Variants in DYNC1I1 observed in about 807,000 individuals in gnomAD.
The protein encoded by DYNC1I1 is cytoplasmic dynein 1 intermediate chain 1.
A neutral mutation model predicts 86.6 loss-of-function variants in DYNC1I1; 43 were observed. The ratio of observed to expected loss-of-function variants is 0.50; its 90% CI spans 0.39 to 0.64. DYNC1I1 has a LOEUF of 0.64. Ranked by LOEUF, DYNC1I1 falls within the 30% of genes least tolerant of loss-of-function variation. The probability of loss-of-function intolerance (pLI) is 0.00; values close to 1 mark genes in which losing one functional copy is unlikely to be tolerated. For synonymous variants in DYNC1I1, 262 were observed against 283.7 expected, an observed-to-expected ratio of 0.92 and a Z score of 0.77; for missense variants, 604 against 788.8, an observed-to-expected ratio of 0.77 and a Z score of 2.81.
rs77287328 is a variant in DYNC1I1 at position 96,066,270 on chromosome 7, A to C, written c.1510-9787A>C. 7.7e-3 allele frequency among the ~76,000 whole-genome samples: 1,167 copies of C among 152,226 alleles called. 12 individuals carry two copies. Among genetic ancestry groups the C allele is most frequent in the African/African-American group, 0.026 (1,099 of 41,528 alleles). On this transcript the variant is annotated intron_variant, in intron 14 of 16. Coordinates refer to ENST00000447467, the MANE Select transcript of DYNC1I1 (RefSeq NM_001135556.2). ...ATCTGTCAAAGTCTATGTATCTTTC[A>C]AGGCAGGTTCCCTCACCTGTCCTAG... is the stretch of plus-strand genomic sequence containing the variant.
Position 95,988,981 on chromosome 7 carries a change from C to A in DYNC1I1, c.843+1826C>A, listed in dbSNP as rs751118811. Among the ~76,000 whole-genome samples the A allele has an allele frequency of 3.3e-5, 5 of 152,098 alleles. No individual in the cohort carries two copies. The East Asian group carries it at 9.6e-4, about 29-fold the overall frequency. ...TTTATACCAAAGTATTTTAGCATCCCGTGGCATATGCTCTTAACCACTGCC... is the reference window on the plus strand; with the variant it reads ...TTTATACCAAAGTATTTTAGCATCCAGTGGCATATGCTCTTAACCACTGCC... On this transcript the variant is annotated intron_variant, in intron 9 of 16. Transcript: ENST00000447467.
chr7:95,882,814 G>C (rs191134657), intron 6 of DYNC1I1, among the ~76,000 whole-genome samples: 4 of 152,112 alleles, frequency 2.6e-5, no homozygotes, highest in African/African-American at 9.7e-5. Context: ...CTCTCCCTTC[G>C]TCTATTTAGG....
chr7:95,963,532 TC>T (rs1792928478), intron 6 of DYNC1I1, among the ~76,000 whole-genome samples: 1 of 152,148 alleles, frequency 6.6e-6, no homozygotes. Flanking sequence ...GGCAAAAAAT[TC>T]ATGACTGCAT....
chr7:95,817,285 C>T (rs540052126), intron 4 of DYNC1I1, among the ~76,000 whole-genome samples: 9 of 151,780 alleles, frequency 5.9e-5, no homozygotes, highest in African/African-American at 9.7e-5. Context: ...CACTGAGATG[C>T]GCAGAGAGAA....
intron 5 of DYNC1I1, among the ~76,000 whole-genome samples, chr7:95,829,852 G>C (rs537483088): frequency 1.3e-4 from 19 of 151,916 alleles, no homozygotes; most frequent in Admixed American, 2.6e-4. Context: ...CCCCAAACTA[G>C]GCATTTATTT....
intron 16 of DYNC1I1, among the ~76,000 whole-genome samples, chr7:96,094,236 G>A (rs768899470): frequency 1.3e-5 from 2 of 152,058 alleles, no homozygotes; most frequent in African/African-American, 2.4e-5. Flanking sequence ...CTCAATCAAT[G>A]CTGATTGAAT....
chr7:95,814,824 G>A lies in DYNC1I1; in HGVS notation c.314+1487G>A, dbSNP rs565056487. 3.3e-5 allele frequency among the ~76,000 whole-genome samples: 5 copies of A among 152,178 alleles called. No individual in the cohort carries two copies. The East Asian group carries it at 9.7e-4, about 29-fold the overall frequency. On this transcript the variant is annotated intron_variant, in intron 4 of 16. Coordinates refer to ENST00000447467, the MANE Select transcript of DYNC1I1 (RefSeq NM_001135556.2). ...AGAGGTTTTTGAGGGCATAAAGCTG[G>A]TTTATTTTAGCAAATCGCTTTTGTG...
chr7:96,101,071 A>C (rs937250638), downstream of DYNC1I1, among the ~76,000 whole-genome samples: 2 of 152,032 alleles, frequency 1.3e-5, no homozygotes, highest in African/African-American at 4.8e-5. Flanking sequence ...GGATGATGAG[A>C]CCCCAGAGTA....
chr7:96,024,747 C>A (rs948002117), intron 10 of DYNC1I1, among the ~76,000 whole-genome samples: 5 of 152,036 alleles, frequency 3.3e-5, no homozygotes, highest in East Asian at 3.9e-4. Context: ...GACAAAAAAA[C>A]CCCACATTTA....
chr7:95,973,131 T>C (rs1793216920), intron 6 of DYNC1I1, among the ~76,000 whole-genome samples: 1 of 152,224 alleles, frequency 6.6e-6, no homozygotes, highest in Non-Finnish European at 1.5e-5. Flanking sequence ...AACTCATATA[T>C]CAGTAGTCTG....
chr7:95,801,349 A>C (rs2115777029), intron 1 of DYNC1I1, among the ~76,000 whole-genome samples: 1 of 152,362 alleles, frequency 6.6e-6, no homozygotes, highest in South Asian at 2.1e-4. Context: ...ATTTGCAAGA[A>C]AGCCTTTGCA....
chr7:95,816,675 T>A (rs918553704), intron 4 of DYNC1I1, among the ~76,000 whole-genome samples: 1 of 152,162 alleles, frequency 6.6e-6, no homozygotes, highest in Non-Finnish European at 1.5e-5. Flanking sequence ...ATATACTGTA[T>A]GCAACTGGAA....
At chr7:96,088,851 AT>A (rs917758697) in intron 16 of DYNC1I1, among the ~76,000 whole-genome samples, 5 of 152,162 alleles carry the variant, frequency 3.3e-5, no homozygotes, top group Non-Finnish European at 5.9e-5. Flanking sequence ...GCTTACATGA[AT>A]TTTTGAGAAT....
At chr7:95,780,203 A>G (rs1009727335) in intron 1 of DYNC1I1, among the ~76,000 whole-genome samples, 1 of 152,152 alleles carries the variant, frequency 6.6e-6, no homozygotes. Flanking sequence ...ATATTCATTC[A>G]TTCTAATGAA....
intron 10 of DYNC1I1, among the ~76,000 whole-genome samples, chr7:96,024,149 T>C (rs1012449835): frequency 5.3e-5 from 8 of 152,296 alleles, no homozygotes; most frequent in Non-Finnish European, 8.8e-5. Flanking sequence ...CTTGTGAAAA[T>C]AGAGTTCAAC....
chr7:95,926,902 C>A (rs1272467171), intron 6 of DYNC1I1, among the ~76,000 whole-genome samples: 2 of 152,132 alleles, frequency 1.3e-5, no homozygotes, highest in Non-Finnish European at 2.9e-5. Context: ...TTAATTTAAT[C>A]TTTAGCAGAT....
intron 5 of DYNC1I1, among the ~76,000 whole-genome samples, chr7:95,853,760 AT>A (rs939241566): frequency 6.6e-6 from 1 of 152,084 alleles, no homozygotes; most frequent in African/African-American, 2.4e-5. Context: ...CCCTACGATT[AT>A]TTTATTGCAG....
Position 96,098,348 on chromosome 7 carries a change from T to C in DYNC1I1, c.*755T>C, listed in dbSNP as rs1365549659. On this transcript the variant is annotated 3_prime_UTR_variant, in exon 17 of 17. Coordinates refer to ENST00000447467, the MANE Select transcript of DYNC1I1 (RefSeq NM_001135556.2). ...ATCATTGACCACTAATACTTCTCAC[T>C]GAAGCTAACACAGTCTGACAAAAGT... 2 of 985,638 alleles carry C rather than the reference T, an allele frequency of 2.0e-6. No homozygotes were observed. Among genetic ancestry groups the C allele is most frequent in the Non-Finnish European group, 2.4e-6 (2 of 829,956 alleles). 61.1% of individuals were successfully genotyped at this position (985,638 alleles called of 1,614,324 possible).
chr7:95,956,252 T>A (rs892942082), intron 6 of DYNC1I1, among the ~76,000 whole-genome samples: 7 of 152,066 alleles, frequency 4.6e-5, no homozygotes, highest in African/African-American at 1.4e-4. Flanking sequence ...TACGTAGTAT[T>A]AAGTGCTTAT....
Sources: gnomAD v4.1 joint callset for allele counts (sites outside exome capture counted in the v4.1 genomes callset) on GRCh38, gnomAD v4.1.1 for gene constraint, MANE v1.5 for transcripts, NCBI Gene and HGNC (gene_info 2026-07-23, HGNC 2026-07-21) for gene names.